Variants in PCCA observed in about 807,000 individuals in gnomAD.
PCCA encodes the protein propionyl-CoA carboxylase alpha chain, mitochondrial.
PCCA carries 74 observed loss-of-function variants against 101.3 expected under a neutral mutation model. The observed-to-expected ratio is 0.73, with a 90% CI of 0.61 to 0.89. The LOEUF is 0.89. Ranked by LOEUF, PCCA falls within the 40% of genes least tolerant of loss-of-function variation. PCCA has a pLI of 0.00. For synonymous variants in PCCA, 294 were observed against 313.6 expected (o/e 0.94, Z 0.66); for missense variants, 891 against 907.0 (o/e 0.98, Z 0.23).
chr13:100,504,503 A>C (rs968638506), intron 21 of PCCA, among the ~76,000 whole-genome samples: 1 of 152,224 alleles, frequency 6.6e-6, no homozygotes, highest in East Asian at 1.9e-4. Flanking sequence ...ACCCACCCAG[A>C]CAGCCTCCAG....
chr13:100,385,393 A>T (rs1201681407), intron 19 of PCCA, among the ~76,000 whole-genome samples: 1 of 152,218 alleles, frequency 6.6e-6, no homozygotes, highest in East Asian at 1.9e-4. Context: ...AAAATAAGGG[A>T]TGCCCTTCAT....
intron 8 of PCCA, among the ~76,000 whole-genome samples, chr13:100,238,631 T>C (rs545754680): frequency 6.6e-5 from 10 of 152,326 alleles, no homozygotes; most frequent in African/African-American, 2.4e-4. Context: ...CATCAGCTCT[T>C]ACAAAGCTTT....
intron 6 of PCCA, among the ~76,000 whole-genome samples, chr13:100,166,385 G>C (rs1276531026): frequency 6.6e-6 from 1 of 152,010 alleles, no homozygotes; most frequent in African/African-American, 2.4e-5. Flanking sequence ...CACAACTTCC[G>C]CCTCCTGGGC....
At chr13:100,300,858 C>T (rs551199747) in intron 12 of PCCA, among the ~76,000 whole-genome samples, 56 of 152,342 alleles carry the variant, frequency 3.7e-4, no homozygotes, top group Middle Eastern at 3.4e-3. Context: ...GAGAGCAGAG[C>T]GATCGCACTG....
intron 6 of PCCA, among the ~76,000 whole-genome samples, chr13:100,174,742 GAAAA>G (rs1303164139): frequency 7.4e-6 from 1 of 135,738 alleles, no homozygotes; most frequent in Non-Finnish European, 1.6e-5. Context: ...AAAAAAAAAA[GAAAA>G]AAAAAGAAAG....
At chr13:100,136,775 T>A (rs2051225911) in intron 4 of PCCA, among the ~76,000 whole-genome samples, 1 of 152,094 alleles carries the variant, frequency 6.6e-6, no homozygotes, top group African/African-American at 2.4e-5. Context: ...TTATTTTGGA[T>A]GTCGTTTTTT....
intron 6 of PCCA, among the ~76,000 whole-genome samples, chr13:100,200,519 GC>G (rs968042868): frequency 9.2e-5 from 14 of 151,936 alleles, no homozygotes; most frequent in African/African-American, 3.1e-4. Flanking sequence ...GTCATTTTAA[GC>G]CTTTTTAGTT....
chr13:100,229,650 A>C (rs1364668907), intron 7 of PCCA, among the ~76,000 whole-genome samples: 1 of 152,108 alleles, frequency 6.6e-6, no homozygotes, highest in African/African-American at 2.4e-5. Context: ...CTATGTTGTT[A>C]GCCAATTGGG....
intron 19 of PCCA, among the ~76,000 whole-genome samples, chr13:100,409,269 G>A (rs2077877076): frequency 6.6e-6 from 1 of 152,192 alleles, no homozygotes; most frequent in Admixed American, 6.5e-5. Flanking sequence ...GAAAGGTTTT[G>A]AGTCCCCATT....
chr13:100,206,726 G>T (rs1385242641), intron 6 of PCCA, among the ~76,000 whole-genome samples: 1 of 152,174 alleles, frequency 6.6e-6, no homozygotes, highest in Non-Finnish European at 1.5e-5. Context: ...AACAGCAGAA[G>T]CACGAAGGTC....
At chr13:100,510,557 A>G (rs2086404578) in intron 21 of PCCA, among the ~76,000 whole-genome samples, 1 of 152,236 alleles carries the variant, frequency 6.6e-6, no homozygotes, top group African/African-American at 2.4e-5. Flanking sequence ...ATTGAAGAAA[A>G]TAGCCTTTTG....
chr13:100,243,918 A>G (rs2061295525), intron 8 of PCCA, among the ~76,000 whole-genome samples: 1 of 152,224 alleles, frequency 6.6e-6, no homozygotes, highest in Admixed American at 6.5e-5. Context: ...TATACAACCA[A>G]TAATTCATAC....
chr13:100,421,204 T>TAA (rs935153198), intron 19 of PCCA, among the ~76,000 whole-genome samples: 1 of 142,904 alleles, frequency 7.0e-6, no homozygotes. Context: ...GAGTGAGGCT[T>TAA]AAAAAAAAAA....
At chr13:100,331,774 A>T in intron 17 of PCCA, among the ~76,000 whole-genome samples, 1 of 151,744 alleles carries the variant, frequency 6.6e-6, no homozygotes, top group African/African-American at 2.4e-5. Context: ...TTTTGTGACT[A>T]TTCTTTTAAT....
intron 20 of PCCA, among the ~76,000 whole-genome samples, chr13:100,447,867 A>G (rs1425057590): frequency 6.6e-6 from 1 of 152,218 alleles, no homozygotes; most frequent in Non-Finnish European, 1.5e-5. Context: ...CCCTCCGTCA[A>G]GGAACCGAGG....
chr13:100,330,467 G>A (rs2069381389), intron 16 of PCCA, 94 bp from the exon 17 acceptor site: 1 of 767,918 alleles, frequency 1.3e-6, no homozygotes, highest in African/African-American at 1.7e-5. Context: ...TTTCTGCTAG[G>A]TCATAGAACA....
chr13:100,391,468 G>T (rs1473661691), intron 19 of PCCA, among the ~76,000 whole-genome samples: 1 of 152,088 alleles, frequency 6.6e-6, no homozygotes, highest in Non-Finnish European at 1.5e-5. Flanking sequence ...CACAACAGAA[G>T]GGCTAGGCTA....
chr13:100,303,681 A>G (rs2066242787), intron 14 of PCCA, among the ~76,000 whole-genome samples: 1 of 152,146 alleles, frequency 6.6e-6, no homozygotes, highest in Non-Finnish European at 1.5e-5. Context: ...ATCTGTGAAT[A>G]TTCAAATTAT....
At chr13:100,329,891 C>T (rs1164485177) in intron 16 of PCCA, among the ~76,000 whole-genome samples, 2 of 152,162 alleles carry the variant, frequency 1.3e-5, no homozygotes, top group East Asian at 3.9e-4. Flanking sequence ...CTCAGCAAAT[C>T]GATGGGATAC....
Sources: allele counts gnomAD v4.1 joint callset (sites outside exome capture counted in the v4.1 genomes callset), GRCh38; gene constraint gnomAD v4.1.1; transcripts MANE v1.5; gene names NCBI Gene and HGNC (gene_info 2026-07-23, HGNC 2026-07-21).